Variants in CTDSPL2 observed in about 807,000 individuals in gnomAD.
The protein encoded by CTDSPL2 is CTD small phosphatase like 2.
In CTDSPL2, 5 loss-of-function variants were observed where a neutral mutation model predicts 60.0. The observed-to-expected ratio is 0.08, with a 90% CI of 0.04 to 0.18. CTDSPL2 has a LOEUF of 0.18. Ranked by LOEUF, CTDSPL2 falls within the 10% of genes least tolerant of loss-of-function variation. The pLI is 1.00. For synonymous variants in CTDSPL2, 186 were observed against 189.3 expected (o/e 0.98, Z 0.14); for missense variants, 370 against 548.8 (o/e 0.67, Z 3.26).
At chr15:44,503,372 A>C (rs1324009564) in intron 8 of CTDSPL2, 2 of 152,234 alleles carry the variant, frequency 1.3e-5, no homozygotes, top group Non-Finnish European at 2.9e-5. Context: ...GCACTTTGTC[A>C]GGAAATCCAT....
At chr15:44,524,076 T>C (rs942041238) in intron 12 of CTDSPL2, 33 bp from the exon 13 acceptor site, 4 of 1,549,482 alleles carry the variant, frequency 2.6e-6, no homozygotes, top group Non-Finnish European at 1.8e-6. Context: ...TGAAATTTTA[T>C]GCCTTTTTAA....
At chr15:44,513,022 A>G (rs920517904) in intron 8 of CTDSPL2, among the ~76,000 whole-genome samples, 9 of 151,410 alleles carry the variant, frequency 5.9e-5, no homozygotes, top group Non-Finnish European at 1.0e-4. Flanking sequence ...CAGTGAGCCA[A>G]GATGACGCCA....
intron 2 of CTDSPL2, among the ~76,000 whole-genome samples, chr15:44,472,173 G>C (rs772205192): frequency 6.6e-6 from 1 of 152,094 alleles, no homozygotes; most frequent in Non-Finnish European, 1.5e-5. Context: ...ATACATTTTT[G>C]TATGGACATC....
intron 1 of CTDSPL2, among the ~76,000 whole-genome samples, chr15:44,432,724 A>T (rs2079885433): frequency 6.6e-6 from 1 of 151,644 alleles, no homozygotes; most frequent in Non-Finnish European, 1.5e-5. Flanking sequence ...GATTCAAGTG[A>T]TTCTCCTGTC....
intron 1 of CTDSPL2, among the ~76,000 whole-genome samples, chr15:44,458,471 C>T (rs1265311292): frequency 7.9e-5 from 12 of 152,128 alleles, no homozygotes. Context: ...TGTTGTTACA[C>T]TTATATGGTT....
rs2081204839 is a variant in CTDSPL2 at position 44,491,007 on chromosome 15, A to C, written c.691+8A>C. The C allele has an allele frequency of 6.2e-6, 10 of 1,605,668 alleles. No individual in the cohort carries two copies. The highest frequency in any genetic ancestry group is 1.3e-5 in the African/African-American group (1 of 74,812). ...ATATCCCACCCCTTACAGGTGAAGA[A>C]AATTTCTTTTCTTATACATCTTCAT... On this transcript the variant is annotated splice_region_variant and intron_variant, in intron 5 of 12. Coordinates refer to ENST00000260327, the MANE Select transcript of CTDSPL2 (RefSeq NM_016396.3).
chr15:44,503,020 T>TA (rs567676631), intron 8 of CTDSPL2, among the ~76,000 whole-genome samples: 77 of 151,358 alleles, frequency 5.1e-4, no homozygotes, highest in South Asian at 8.3e-4. Flanking sequence ...TCTAGGGGAT[T>TA]AAAAAAAAAC....
At position 44,527,629 on chromosome 15, in the gene CTDSPL2, A is replaced by G. The variant is rs2081896006; in HGVS notation, c.*3455A>G. 2 of 152,172 alleles carry G rather than the reference A, an allele frequency of 1.3e-5. No homozygotes were observed. Among genetic ancestry groups the G allele is most frequent in the Admixed American group, 1.3e-4 (2 of 15,266 alleles). The allele number at this position is 152,172 out of a possible 1,614,324, so 9.4% of individuals were successfully genotyped here. A position where few individuals can be genotyped will look rare whatever the true frequency, so the allele number is the denominator to read the frequency against. ...ATCATTAGCTAGTTAAGGTTTTCTG[A>G]CCTGACTTCTCTTTGTCTTCCTAGG... On this transcript the variant is annotated 3_prime_UTR_variant, in exon 13 of 13. Coordinates refer to ENST00000260327, the MANE Select transcript of CTDSPL2 (RefSeq NM_016396.3).
intron 11 of CTDSPL2, chr15:44,519,912 T>C: frequency 6.6e-6 from 1 of 152,432 alleles, no homozygotes; most frequent in Non-Finnish European, 1.5e-5. Context: ...GTAGCTGGGA[T>C]TACAGGTGTC....
intron 1 of CTDSPL2, among the ~76,000 whole-genome samples, chr15:44,451,622 T>C (rs2080336202): frequency 6.6e-6 from 1 of 152,202 alleles, no homozygotes. Context: ...CATACTTTAC[T>C]GTTTCTATCA....
chr15:44,466,787 A>T (rs920081497), intron 2 of CTDSPL2, among the ~76,000 whole-genome samples: 6 of 151,818 alleles, frequency 4.0e-5, no homozygotes, highest in African/African-American at 1.4e-4. Flanking sequence ...AAAAAAAAAA[A>T]AATTAGCTGG....
At chr15:44,445,197 T>C (rs1219117903) in intron 1 of CTDSPL2, among the ~76,000 whole-genome samples, 4 of 151,760 alleles carry the variant, frequency 2.6e-5, no homozygotes, top group Non-Finnish European at 5.9e-5. Flanking sequence ...TTTTTTTTTC[T>C]TTTTGAGACA....
At chr15:44,521,461 A>G in intron 12 of CTDSPL2, 55 bp downstream of exon 12, 3 of 954,460 alleles carry the variant, frequency 3.1e-6, no homozygotes, top group Non-Finnish European at 1.6e-6. Context: ...CTATATTGAA[A>G]TAAATATTTT....
intron 2 of CTDSPL2, among the ~76,000 whole-genome samples, chr15:44,470,784 AT>A (rs973758371): frequency 2.0e-5 from 3 of 152,084 alleles, no homozygotes; most frequent in Non-Finnish European, 4.4e-5. Context: ...ATTTAATGTA[AT>A]TATTAATATG....
intron 10 of CTDSPL2, among the ~76,000 whole-genome samples, chr15:44,517,922 C>T (rs538067979): frequency 7.4e-4 from 113 of 152,250 alleles, no homozygotes; most frequent in Non-Finnish European, 1.4e-3. Context: ...TAAACTTTCC[C>T]GGGGCCAGAT....
At position 44,490,842 on chromosome 15, in the gene CTDSPL2, A is replaced by G. The variant is rs753772537; in HGVS notation, c.534A>G (p.Gln178=). 3 of 1,613,872 alleles carry G rather than the reference A, an allele frequency of 1.9e-6. No individual in the cohort carries two copies. Among genetic ancestry groups the G allele is most frequent in the Non-Finnish European group, 2.5e-6 (3 of 1,180,002 alleles). The change falls in exon 5 of 13, where the codon CAA becomes CAG. Residue 178 remains glutamine (Q), a synonymous_variant. Coordinates refer to ENST00000260327, the MANE Select transcript of CTDSPL2 (RefSeq NM_016396.3). ...QAVEAEEIVK[Q]LDMEQVDEIT... is the part of the protein sequence containing the mutation. Reference sequence around the variant, plus strand: ...TGGAAGCTGAAGAAATAGTAAAACAACTTGATATGGAACAGGTGGATGAGA... The same window carrying G: ...TGGAAGCTGAAGAAATAGTAAAACAGCTTGATATGGAACAGGTGGATGAGA...
At chr15:44,515,873 C>CA (rs1194324667) in intron 10 of CTDSPL2, among the ~76,000 whole-genome samples, 15 of 149,608 alleles carry the variant, frequency 1.0e-4, no homozygotes, top group East Asian at 4.0e-4. Flanking sequence ...AACTCCATCT[C>CA]AAAAAAAAAG....
At chr15:44,488,988 G>A (rs1055556657) in intron 4 of CTDSPL2, among the ~76,000 whole-genome samples, 1 of 152,134 alleles carries the variant, frequency 6.6e-6, no homozygotes, top group East Asian at 1.9e-4. Flanking sequence ...GGAAGAGATG[G>A]TGTCATTAAT....
intron 6 of CTDSPL2, among the ~76,000 whole-genome samples, 183 bp from the exon 7 acceptor site, chr15:44,496,844 C>CA (rs994013349): frequency 6.6e-6 from 1 of 152,104 alleles, no homozygotes; most frequent in Non-Finnish European, 1.5e-5. Context: ...AACAAACAAA[C>CA]AAAAACAGCT....
Sources: allele counts gnomAD v4.1 joint callset (sites outside exome capture counted in the v4.1 genomes callset), GRCh38; gene constraint gnomAD v4.1.1; transcripts MANE v1.5; gene names NCBI Gene and HGNC (gene_info 2026-07-23, HGNC 2026-07-21).